Variants in CUX1 observed in about 807,000 individuals in gnomAD.
CUX1 encodes protein CASP.
In CUX1, 31 loss-of-function variants were observed where a neutral mutation model predicts 158.8. The ratio of observed to expected loss-of-function variants is 0.20; its 90% CI spans 0.15 to 0.26. The LOEUF is 0.26. Among genes scored for constraint, CUX1 ranks in the 10% least tolerant of loss-of-function variants. The pLI, the probability that CUX1 is intolerant of heterozygous loss-of-function variation, is 1.00. For synonymous variants in CUX1, 879 were observed against 862.1 expected (o/e 1.02, Z -0.34); for missense variants, 1,589 against 2,014.6 (o/e 0.79, Z 4.04).
At chr7:102,123,640 C>G (rs1832304926) in intron 8 of CUX1, among the ~76,000 whole-genome samples, 1 of 150,760 alleles carries the variant, frequency 6.6e-6, no homozygotes, top group Non-Finnish European at 1.5e-5. Flanking sequence ...ATCATACAGT[C>G]TCTCAACCAG....
intron 3 of CUX1, among the ~76,000 whole-genome samples, chr7:102,060,608 A>T (rs1057398960): frequency 1.5e-4 from 20 of 133,200 alleles, no homozygotes; most frequent in South Asian, 4.9e-4. Context: ...CACACAAATA[A>T]ACACACACAC....
rs1252390932 is a variant in CUX1, at chr7:102,147,703, A to AT, written c.675-10854dup. 3.9e-5 allele frequency among the ~76,000 whole-genome samples: 6 copies of AT among 152,310 alleles called. No individual in the cohort carries two copies. The South Asian group carries it at 8.3e-4, about 21-fold the overall frequency. On this transcript the variant is annotated intron_variant, in intron 8 of 23. Coordinates refer to ENST00000292535, the MANE Select transcript of CUX1 (RefSeq NM_181552.4). Reference sequence around the variant, plus strand: ...ACCTCAGGTATCACAGGTGTCATTAATTTGCATATTTGGGCCGGTGCGGTG... The same window carrying AT: ...ACCTCAGGTATCACAGGTGTCATTAATTTTGCATATTTGGGCCGGTGCGGTG...
chr7:102,268,207 T>C (rs1286908613), intron 14 of CUX1, among the ~76,000 whole-genome samples: 1 of 152,068 alleles, frequency 6.6e-6, no homozygotes, highest in Non-Finnish European at 1.5e-5. Context: ...TCTGTCCCTC[T>C]CTCCTGGGTT....
intron 8 of CUX1, among the ~76,000 whole-genome samples, chr7:102,149,267 C>T (rs1554502902): frequency 6.6e-6 from 1 of 152,156 alleles, no homozygotes; most frequent in African/African-American, 2.4e-5. Context: ...TGGATGTCCC[C>T]TACTCCGGGA....
chr7:102,010,880 G>T (rs1303067772), intron 2 of CUX1, among the ~76,000 whole-genome samples: 1 of 152,198 alleles, frequency 6.6e-6, no homozygotes. Flanking sequence ...GGAGGCCGAG[G>T]TGGGCGGATC....
chr7:102,209,016 C>G (rs141131224), intron 20 of CUX1, among the ~76,000 whole-genome samples: 1 of 152,166 alleles, frequency 6.6e-6, no homozygotes, highest in African/African-American at 2.4e-5. Flanking sequence ...GGGCTTACAG[C>G]GGAGTCCGTG....
At chr7:101,856,003 G>T (rs1452054060) in intron 1 of CUX1, among the ~76,000 whole-genome samples, 1 of 151,488 alleles carries the variant, frequency 6.6e-6, no homozygotes, top group African/African-American at 2.4e-5. Context: ...AACATAGCAA[G>T]AACCCGTCTG....
intron 2 of CUX1, among the ~76,000 whole-genome samples, chr7:101,939,334 C>G (rs1177930159): frequency 6.6e-6 from 1 of 151,872 alleles, no homozygotes; most frequent in African/African-American, 2.4e-5. Context: ...CTGTCAGTGC[C>G]AAGTAGTATT....
chr7:102,002,794 C>T (rs1816845349), intron 2 of CUX1, among the ~76,000 whole-genome samples: 1 of 152,296 alleles, frequency 6.6e-6, no homozygotes, highest in East Asian at 1.9e-4. Context: ...ATCCCTAGCA[C>T]CGTATCTGTG....
intron 8 of CUX1, among the ~76,000 whole-genome samples, chr7:102,134,062 C>T (rs1563291146): frequency 6.6e-6 from 1 of 152,148 alleles, no homozygotes; most frequent in Non-Finnish European, 1.5e-5. Flanking sequence ...TGTCCTGGCG[C>T]GCTGGCTCAC....
At chr7:102,271,130 A>T (rs1681251913) in intron 14 of CUX1, among the ~76,000 whole-genome samples, 1 of 151,750 alleles carries the variant, frequency 6.6e-6, no homozygotes, top group Admixed American at 6.6e-5. Context: ...AAAAGGGCTC[A>T]CTCTGGCCAG....
At chr7:101,886,413 C>G (rs1800233970) in intron 1 of CUX1, among the ~76,000 whole-genome samples, 1 of 152,098 alleles carries the variant, frequency 6.6e-6, no homozygotes, top group Non-Finnish European at 1.5e-5. Context: ...GTTGCCCAGG[C>G]TGGTCTCAAT....
intron 1 of CUX1, among the ~76,000 whole-genome samples, chr7:101,900,234 C>T (rs974752607): frequency 6.6e-6 from 1 of 152,182 alleles, no homozygotes; most frequent in Non-Finnish European, 1.5e-5. Flanking sequence ...CCTTTAAAAT[C>T]GCATCTCCGC....
At chr7:102,143,583 C>T (rs1240736245) in intron 8 of CUX1, among the ~76,000 whole-genome samples, 2 of 152,022 alleles carry the variant, frequency 1.3e-5, no homozygotes, top group Non-Finnish European at 2.9e-5. Flanking sequence ...CAATCATTTT[C>T]TGTGTCAAAG....
chr7:102,091,750 TTTTGGTTTGG>T (rs1303101420), intron 4 of CUX1, among the ~76,000 whole-genome samples: 2 of 152,048 alleles, frequency 1.3e-5, no homozygotes, highest in African/African-American at 2.4e-5. Flanking sequence ...AGTACTACAG[TTTTGGTTTGG>T]TTTGGTTTGG....
chr7:101,933,675 C>T (rs1434541470), intron 2 of CUX1, among the ~76,000 whole-genome samples: 6 of 152,104 alleles, frequency 3.9e-5, no homozygotes, highest in Non-Finnish European at 7.3e-5. Context: ...TTCTTACCTC[C>T]CGTTGACCGT....
At chr7:101,999,653 C>A (rs974944124) in intron 2 of CUX1, among the ~76,000 whole-genome samples, 1 of 152,190 alleles carries the variant, frequency 6.6e-6, no homozygotes, top group African/African-American at 2.4e-5. Context: ...CAGAGGATGA[C>A]GGGCTCGTCT....
chr7:102,174,411 A>T (rs1792069963), intron 10 of CUX1, among the ~76,000 whole-genome samples: 1 of 151,690 alleles, frequency 6.6e-6, no homozygotes, highest in Admixed American at 6.6e-5. Context: ...GAGCCACCGC[A>T]CCCAGCCTCC....
intron 3 of CUX1, among the ~76,000 whole-genome samples, chr7:102,069,473 A>G (rs1391195091): frequency 6.6e-6 from 1 of 152,166 alleles, no homozygotes; most frequent in Non-Finnish European, 1.5e-5. Flanking sequence ...CATAGGCCAG[A>G]CGCAGTGGCT....
Sources: gnomAD v4.1 joint callset for allele counts (sites outside exome capture counted in the v4.1 genomes callset) on GRCh38, gnomAD v4.1.1 for gene constraint, MANE v1.5 for transcripts, NCBI Gene and HGNC (gene_info 2026-07-23, HGNC 2026-07-21) for gene names.